SLC67A1: variants seen among roughly 807,000 people sequenced by gnomAD.
SLC67A1 encodes solute carrier family 67 member 1, also known as solute carrier family 67 member A1.
chr11:2,916,513 G>GT, the SLC67A1 span: 2 of 776,174 alleles, frequency 2.6e-6, no homozygotes, highest in Non-Finnish European at 4.3e-6. Context: ...GATGTGGGAG[G>GT]TCAGATTTAA....
At chr11:2,916,332 C>A in the SLC67A1 span, 1 of 395,044 alleles carries the variant, frequency 2.5e-6, no homozygotes, top group Non-Finnish European at 4.5e-6. Context: ...GCCACCTGCC[C>A]CAGGCGCTCA....
chr11:2,915,317 G>C, the SLC67A1 span: 90 of 862,060 alleles, frequency 1.0e-4, no homozygotes, highest in African/African-American at 1.5e-3. Context: ...CTGCGGTGAA[G>C]AGGGGCGAGG....
At chr11:2,921,916 G>T in the SLC67A1 span, 4 of 626,624 alleles carry the variant, frequency 6.4e-6, no homozygotes, top group Admixed American at 1.1e-4. Flanking sequence ...CCATCCTGAC[G>T]CAGTCACTGC....
the SLC67A1 span, among the ~76,000 whole-genome samples, chr11:2,905,236 C>G: frequency 4.6e-5 from 7 of 152,144 alleles, no homozygotes; most frequent in South Asian, 8.3e-4. Context: ...GGCTGGAGGT[C>G]GGATGAGCTG....
chr11:2,902,483 C>CT, the SLC67A1 span: 1 of 659,040 alleles, frequency 1.5e-6, no homozygotes, highest in South Asian at 6.8e-5. Flanking sequence ...TGCCCTGCTC[C>CT]CCCCAGCCTC....
the SLC67A1 span, chr11:2,903,872 G>A: frequency 2.4e-5 from 5 of 205,370 alleles, no homozygotes; most frequent in Non-Finnish European, 4.0e-5. Flanking sequence ...TCACCCCTCA[G>A]AGAGGCTCTC....
chr11:2,921,097 G>A, the SLC67A1 span: 1 of 151,662 alleles, frequency 6.6e-6, no homozygotes, highest in Non-Finnish European at 1.5e-5. Context: ...CGGGCCTGGT[G>A]GCAGGCACCT....
chr11:2,909,748 G>A, the SLC67A1 span: 1 of 1,424,998 alleles, frequency 7.0e-7, no homozygotes, highest in East Asian at 2.8e-5. Context: ...TGTGGGTCAG[G>A]ACGCCCGCGG....
At chr11:2,909,578 C>A in the SLC67A1 span, 10 of 1,527,384 alleles carry the variant, frequency 6.5e-6, no homozygotes, top group Non-Finnish European at 8.7e-6. Context: ...CCGTCCCCAG[C>A]CGCCCAGATG....
At chr11:2,922,506 AC>A in the SLC67A1 span, 3 of 1,612,772 alleles carry the variant, frequency 1.9e-6, no homozygotes, top group Non-Finnish European at 1.7e-6. Flanking sequence ...TGCACCCTCA[AC>A]GTGGTCACCG....
the SLC67A1 span, among the ~76,000 whole-genome samples, chr11:2,917,195 A>C: frequency 4.7e-4 from 71 of 152,306 alleles, 1 homozygote; most frequent in African/African-American, 1.7e-3. Flanking sequence ...TGGTCCCATG[A>C]GGAGAGGCCA....
chr11:2,915,546 C>A, the SLC67A1 span, among the ~76,000 whole-genome samples: 5 of 152,218 alleles, frequency 3.3e-5, no homozygotes, highest in Non-Finnish European at 7.3e-5. Context: ...ATGATCACTG[C>A]GGTCTCCGCG....
At chr11:2,918,484 C>G in the SLC67A1 span, among the ~76,000 whole-genome samples, 3 of 152,250 alleles carry the variant, frequency 2.0e-5, no homozygotes, top group Admixed American at 6.5e-5. Flanking sequence ...CGTAGGGCGT[C>G]ACGGACCACA....
chr11:2,912,529 CACCT>C, the SLC67A1 span, among the ~76,000 whole-genome samples: 9 of 152,366 alleles, frequency 5.9e-5, no homozygotes, highest in African/African-American at 1.7e-4. Flanking sequence ...CCTGCCCACC[CACCT>C]GTGTATCCCA....
At chr11:2,906,419 C>T in the SLC67A1 span, among the ~76,000 whole-genome samples, 3 of 152,160 alleles carry the variant, frequency 2.0e-5, no homozygotes, top group Admixed American at 6.5e-5. Flanking sequence ...CACATGCACA[C>T]GTATGTTTAT....
chr11:2,912,207 CG>C, the SLC67A1 span, among the ~76,000 whole-genome samples: 1 of 152,216 alleles, frequency 6.6e-6, no homozygotes, highest in African/African-American at 2.4e-5. Context: ...AGGAGGGCTG[CG>C]GGGTTGACCT....
the SLC67A1 span, among the ~76,000 whole-genome samples, chr11:2,906,090 C>A: frequency 2.8e-3 from 425 of 152,228 alleles, no homozygotes; most frequent in African/African-American, 9.8e-3. Context: ...AAAAGAAGAC[C>A]TTTATGCAGC....
chr11:2,924,900 C>T, the SLC67A1 span: 56 of 961,028 alleles, frequency 5.8e-5, no homozygotes, highest in Middle Eastern at 1.0e-3. This position sits in a 1 kb window ranked among gnomAD's most constrained non-coding sequence, Gnocchi z 8.6. Context: ...CGGACTGCGC[C>T]GTGAGGTCAG....
the SLC67A1 span, chr11:2,909,333 G>T: frequency 6.5e-7 from 1 of 1,529,722 alleles, no homozygotes. Flanking sequence ...CGCCTGCCCG[G>T]AGCGCTCATG....
Sources: allele counts gnomAD v4.1 joint callset (sites outside exome capture counted in the v4.1 genomes callset), GRCh38; gene constraint gnomAD v4.1.1; non-coding constraint Gnocchi (gnomAD v3.1); transcripts MANE v1.5; gene names NCBI Gene and HGNC (gene_info 2026-07-23, HGNC 2026-07-21).